RCOR1: variants seen among roughly 807,000 people sequenced by gnomAD.
The protein encoded by RCOR1 is REST corepressor 1, also known as REST corepressor.
In RCOR1, 12 loss-of-function variants were observed where a neutral mutation model predicts 64.0. That is an observed-to-expected ratio of 0.19 (90% CI 0.12 to 0.30). The LOEUF (loss-of-function observed/expected upper bound fraction) is 0.30. Ranked by LOEUF, RCOR1 falls within the 10% of genes least tolerant of loss-of-function variation. The pLI, the probability that RCOR1 is intolerant of heterozygous loss-of-function variation, is 1.00. For missense variants in RCOR1, 502 were observed against 621.2 expected (o/e 0.81, Z 2.04); for synonymous variants, 279 against 227.2 (o/e 1.23, Z -2.05).
chr14:102,655,291 C>G, intron 2 of RCOR1: 2 of 985,032 alleles, frequency 2.0e-6, no homozygotes, highest in Non-Finnish European at 2.4e-6. Flanking sequence ...TTATTTTCTA[C>G]AAGGATTCTG....
At chr14:102,697,460 C>G (rs1324436506) in intron 3 of RCOR1, among the ~76,000 whole-genome samples, 1 of 152,076 alleles carries the variant, frequency 6.6e-6, no homozygotes, top group African/African-American at 2.4e-5. Flanking sequence ...ATACAGCACC[C>G]CAGGCATTCA....
intron 2 of RCOR1, among the ~76,000 whole-genome samples, chr14:102,607,603 G>C (rs1893539344): frequency 6.6e-6 from 1 of 152,004 alleles, no homozygotes; most frequent in African/African-American, 2.4e-5. Flanking sequence ...AAAAAAGCTA[G>C]CCAGGCGTGG....
At chr14:102,694,991 C>T (rs967991237) in intron 3 of RCOR1, among the ~76,000 whole-genome samples, 2 of 152,164 alleles carry the variant, frequency 1.3e-5, no homozygotes, top group Non-Finnish European at 2.9e-5. Context: ...GCCTTGTCAT[C>T]AGCCCACCAT....
chr14:102,648,546 T>C (rs1473025747), intron 2 of RCOR1, among the ~76,000 whole-genome samples: 1 of 152,200 alleles, frequency 6.6e-6, no homozygotes, highest in African/African-American at 2.4e-5. Flanking sequence ...GCTGTATTTA[T>C]TGCTGCCAGG....
intron 3 of RCOR1, among the ~76,000 whole-genome samples, chr14:102,690,072 A>G (rs891368736): frequency 2.0e-5 from 3 of 151,886 alleles, no homozygotes; most frequent in Non-Finnish European, 2.9e-5. Flanking sequence ...GCTATTAACT[A>G]TATAAGGAAA....
rs950982912 is a variant in RCOR1, at chr14:102,593,158, G to A, written c.272G>A (p.Ser91Asn). 1.3e-6 allele frequency: 2 copies of A among 1,526,372 alleles called. No homozygotes were observed. Among genetic ancestry groups the A allele is most frequent in the Non-Finnish European group, 1.8e-6 (2 of 1,142,822 alleles). The allele number at this position is 1,526,372 out of a possible 1,614,324, so 94.6% of individuals were successfully genotyped here. ...NSSSNSWEEG[S>N]SGSSSDEEHG... ...AGCAGCAACTCCTGGGAGGAAGGCA[G>A]CTCGGGCTCGTCCAGCGACGAGGAG... is the stretch of plus-strand genomic sequence containing the variant. The change falls in exon 1 of 12, where the codon AGC becomes AAC. Residue 91 changes from serine (S) to asparagine (N), a missense_variant. Ser to Asn is a conservative substitution (Grantham distance 46). This residue lies in a region of RCOR1 where 242 missense variants were observed against 204.9 expected (regional missense o/e 1.18). Coordinates refer to ENST00000262241, the MANE Select transcript of RCOR1 (RefSeq NM_015156.4).
At chr14:102,723,717 G>A (rs890194138) in intron 11 of RCOR1, among the ~76,000 whole-genome samples, 1 of 152,016 alleles carries the variant, frequency 6.6e-6, no homozygotes, top group African/African-American at 2.4e-5. Flanking sequence ...ACTCAGTTTC[G>A]GAAGCATTGA....
At chr14:102,641,089 T>C (rs763301785) in intron 2 of RCOR1, among the ~76,000 whole-genome samples, 1 of 150,516 alleles carries the variant, frequency 6.6e-6, no homozygotes, top group Non-Finnish European at 1.5e-5. Context: ...CCATCTCTAC[T>C]AAAAATACAA....
rs1566716065 is a variant in RCOR1, at chr14:102,726,451, T to C, written c.1420-17T>C. 3 of 1,580,268 alleles carry C rather than the reference T, an allele frequency of 1.9e-6. No individual in the cohort carries two copies. Among genetic ancestry groups the C allele is most frequent in the Non-Finnish European group, 2.6e-6 (3 of 1,173,270 alleles). Reference sequence around the variant, plus strand: ...ACTCTTTGATCCTTTTTTTTTTTTTTTTCCTCTTGGCCTCAGGCTCCTGTT... The same window carrying C: ...ACTCTTTGATCCTTTTTTTTTTTTTCTTCCTCTTGGCCTCAGGCTCCTGTT... On this transcript the variant is annotated splice_polypyrimidine_tract_variant and intron_variant, in intron 11 of 11. Transcript: ENST00000262241.
At chr14:102,698,613 A>G (rs1175121657) in intron 3 of RCOR1, among the ~76,000 whole-genome samples, 2 of 152,190 alleles carry the variant, frequency 1.3e-5, no homozygotes, top group Admixed American at 6.5e-5. Flanking sequence ...TTGACCCTCA[A>G]TTTACCGCAG....
chr14:102,712,991 G>T (rs1484487294), intron 7 of RCOR1, among the ~76,000 whole-genome samples: 2 of 105,674 alleles, frequency 1.9e-5, no homozygotes, highest in Admixed American at 3.0e-4. Context: ...GTCTTGCTCT[G>T]TTGCCCAGGC....
At chr14:102,699,909 A>G (rs1272834096) in intron 3 of RCOR1, among the ~76,000 whole-genome samples, 1 of 152,062 alleles carries the variant, frequency 6.6e-6, no homozygotes, top group East Asian at 1.9e-4. Context: ...AAATTGATTC[A>G]TCTTTGGGGG....
intron 2 of RCOR1, among the ~76,000 whole-genome samples, chr14:102,636,822 T>C (rs1894249572): frequency 6.6e-6 from 1 of 151,734 alleles, no homozygotes; most frequent in South Asian, 2.1e-4. Flanking sequence ...AATACAAAAA[T>C]TAGCTGGGCA....
intron 2 of RCOR1, among the ~76,000 whole-genome samples, chr14:102,647,868 G>A (rs1894508659): frequency 6.6e-6 from 1 of 151,696 alleles, no homozygotes; most frequent in Non-Finnish European, 1.5e-5. Flanking sequence ...TAGTAGAGAC[G>A]GAGTTTTGCC....
intron 2 of RCOR1, among the ~76,000 whole-genome samples, chr14:102,597,285 A>G (rs967484872): frequency 6.6e-6 from 1 of 152,026 alleles, no homozygotes; most frequent in Non-Finnish European, 1.5e-5. Flanking sequence ...TTATTATAGT[A>G]AAATAAGTAA....
At chr14:102,646,504 C>T (rs750988502) in intron 2 of RCOR1, among the ~76,000 whole-genome samples, 11 of 152,240 alleles carry the variant, frequency 7.2e-5, no homozygotes, top group Non-Finnish European at 1.5e-4. Flanking sequence ...ATTCAGAGAA[C>T]AAGAAAGAGC....
intron 2 of RCOR1, among the ~76,000 whole-genome samples, chr14:102,636,953 A>T (rs961222134): frequency 6.6e-6 from 1 of 151,352 alleles, no homozygotes; most frequent in Non-Finnish European, 1.5e-5. Flanking sequence ...CCTGGGTGAC[A>T]AGAGTGAAAC....
chr14:102,706,395 G>A (rs1055230326), intron 4 of RCOR1, among the ~76,000 whole-genome samples: 6 of 152,016 alleles, frequency 3.9e-5, no homozygotes, highest in African/African-American at 1.4e-4. Context: ...CATGCAAGTA[G>A]TAACCAAAAG....
intron 2 of RCOR1, chr14:102,655,261 C>T: frequency 1.0e-6 from 1 of 985,034 alleles, no homozygotes; most frequent in Non-Finnish European, 1.2e-6. Context: ...ATTTTCCCTT[C>T]CTGGAGGCAG....
Sources: allele counts gnomAD v4.1 joint callset (sites outside exome capture counted in the v4.1 genomes callset), GRCh38; gene constraint gnomAD v4.1.1; regional missense constraint gnomAD v4.1.1; transcripts MANE v1.5; gene names NCBI Gene and HGNC (gene_info 2026-07-23, HGNC 2026-07-21).